The following TAFA5 variants were observed in gnomAD, a reference collection of about 807,000 sequenced individuals.
The protein encoded by TAFA5 is chemokine-like protein TAFA-5.
A neutral mutation model predicts 15.3 loss-of-function variants in TAFA5; 6 were observed. That is an observed-to-expected ratio of 0.39 (90% CI 0.21 to 0.77). The LOEUF (loss-of-function observed/expected upper bound fraction) is 0.77, where lower values mean the gene tolerates loss of function less well. Ranked by LOEUF, TAFA5 falls within the 30% of genes least tolerant of loss-of-function variation. The pLI, the probability that TAFA5 is intolerant of heterozygous loss-of-function variation, is 0.41. For synonymous variants in TAFA5, 103 were observed against 80.7 expected (o/e 1.28, Z -1.48); for missense variants, 161 against 193.1 (o/e 0.83, Z 0.98).
chr22:48,529,620 G>A (rs1439977305), intron 1 of TAFA5, among the ~76,000 whole-genome samples: 6 of 117,840 alleles, frequency 5.1e-5, no homozygotes, highest in African/African-American at 2.0e-4. Context: ...CAGGAGATGG[G>A]GGTGTCCAGG....
intron 1 of TAFA5, among the ~76,000 whole-genome samples, chr22:48,607,885 G>C (rs968842120): frequency 6.6e-6 from 1 of 152,182 alleles, no homozygotes. Flanking sequence ...CCACCCTGGG[G>C]GTCCTGAGGA....
chr22:48,608,335 T>TC (rs1324550324), intron 1 of TAFA5, among the ~76,000 whole-genome samples: 2 of 152,170 alleles, frequency 1.3e-5, no homozygotes, highest in African/African-American at 4.8e-5. Context: ...CTCCTTCCAG[T>TC]CCTTTTTTCT....
At chr22:48,542,095 GAT>G (rs1491249010) in intron 1 of TAFA5, among the ~76,000 whole-genome samples, 2 of 130,120 alleles carry the variant, frequency 1.5e-5, no homozygotes, top group African/African-American at 5.3e-5. Flanking sequence ...GTGCATGTGT[GAT>G]GTGTGTGTGG....
intron 1 of TAFA5, among the ~76,000 whole-genome samples, chr22:48,567,806 G>A (rs1923458397): frequency 6.6e-6 from 1 of 152,228 alleles, no homozygotes. Flanking sequence ...TGTCTGCAGG[G>A]TGGCCTGGGG....
At position 48,613,734 on chromosome 22, in the gene TAFA5, G is replaced by A. The variant is rs182299075; in HGVS notation, c.113-32863G>A. 3.9e-5 allele frequency among the ~76,000 whole-genome samples: 6 copies of A among 152,324 alleles called. No homozygotes were observed. The East Asian group carries it at 7.7e-4, about 20-fold the overall frequency. ...TGCCCTTGTGGCTGCGCCCCAGCCC[G>A]GGGCTCCCAGCCTGAACCTGATGCA... is the stretch of plus-strand genomic sequence containing the variant. On this transcript the variant is annotated intron_variant, in intron 1 of 3. Coordinates refer to ENST00000402357, the MANE Select transcript of TAFA5 (RefSeq NM_001082967.3).
intron 3 of TAFA5, among the ~76,000 whole-genome samples, chr22:48,738,354 C>T (rs1443586536): frequency 6.6e-6 from 1 of 152,148 alleles, no homozygotes; most frequent in Non-Finnish European, 1.5e-5. Flanking sequence ...ACATGGGGGC[C>T]CCCAGGTCAG....
rs531880050 is a variant in TAFA5 at position 48,616,590 on chromosome 22, G to A, written c.113-30007G>A. ...AAGTCACAGCACGAGGCAGGAAGGT[G>A]GCATTTTGCCTGCGCATGGAAACCA... On this transcript the variant is annotated intron_variant, in intron 1 of 3. Coordinates refer to ENST00000402357, the MANE Select transcript of TAFA5 (RefSeq NM_001082967.3). Among the ~76,000 whole-genome samples the A allele has an allele frequency of 1.8e-4, 18 of 97,680 alleles. 1 individual carries two copies. Among genetic ancestry groups the A allele is most frequent in the African/African-American group, 4.4e-4 (16 of 36,274 alleles). The allele number at this position is 97,680 out of a possible 152,430, so 64.1% of individuals were successfully genotyped here.
intron 2 of TAFA5, among the ~76,000 whole-genome samples, chr22:48,692,334 C>T (rs1023419160): frequency 1.3e-5 from 2 of 152,222 alleles, no homozygotes; most frequent in African/African-American, 4.8e-5. Context: ...CAGGCTTAAT[C>T]AAGGCAGCTG....
intron 1 of TAFA5, among the ~76,000 whole-genome samples, chr22:48,584,679 C>T (rs1209693601): frequency 1.4e-5 from 2 of 147,978 alleles, no homozygotes; most frequent in East Asian, 2.1e-4. Context: ...ATCACACACA[C>T]ATACACCACA....
At chr22:48,551,188 A>G (rs994950889) in intron 1 of TAFA5, among the ~76,000 whole-genome samples, 3 of 152,022 alleles carry the variant, frequency 2.0e-5, no homozygotes, top group Non-Finnish European at 4.4e-5. Context: ...AAGACCCCTC[A>G]GCCTGGGCTC....
intron 3 of TAFA5, among the ~76,000 whole-genome samples, chr22:48,718,057 C>T (rs1474832047): frequency 1.3e-5 from 2 of 152,200 alleles, no homozygotes; most frequent in Non-Finnish European, 2.9e-5. Context: ...AGCTCGTGGC[C>T]TTGCATGGCC....
chr22:48,646,775 C>T (rs755161455), intron 2 of TAFA5, 29 bp downstream of exon 2: 18 of 1,545,722 alleles, frequency 1.2e-5, no homozygotes, highest in Admixed American at 1.9e-5. Flanking sequence ...AGGACCCCTC[C>T]GGGTGCTGAG....
chr22:48,586,061 T>C (rs939602839), intron 1 of TAFA5, among the ~76,000 whole-genome samples: 2 of 152,168 alleles, frequency 1.3e-5, no homozygotes, highest in South Asian at 2.1e-4. Context: ...CTTGTCCCCA[T>C]CCTCACCCGG....
At chr22:48,491,060 C>T (rs1160298447) in intron 1 of TAFA5, among the ~76,000 whole-genome samples, 3 of 152,204 alleles carry the variant, frequency 2.0e-5, no homozygotes, top group Non-Finnish European at 4.4e-5. Flanking sequence ...TGGCACCGAG[C>T]GGGGAGGGGT....
intron 1 of TAFA5, among the ~76,000 whole-genome samples, chr22:48,600,954 C>G (rs1924947728): frequency 6.6e-6 from 1 of 152,184 alleles, no homozygotes; most frequent in African/African-American, 2.4e-5. Flanking sequence ...GGCTCCCTCT[C>G]CGCGGTCACG....
intron 2 of TAFA5, among the ~76,000 whole-genome samples, chr22:48,684,640 C>T (rs1928297561): frequency 6.6e-6 from 1 of 152,348 alleles, no homozygotes; most frequent in South Asian, 2.1e-4. Context: ...CCCCACACTC[C>T]TGCCCGCTTC....
chr22:48,508,864 T>C (rs530144312), intron 1 of TAFA5, among the ~76,000 whole-genome samples: 5 of 152,268 alleles, frequency 3.3e-5, no homozygotes, highest in Admixed American at 3.3e-4. Flanking sequence ...ATCTGCAGTA[T>C]ATTACTCTTA....
At chr22:48,656,374 C>T (rs769200730) in intron 2 of TAFA5, among the ~76,000 whole-genome samples, 23 of 151,956 alleles carry the variant, frequency 1.5e-4, no homozygotes, top group Non-Finnish European at 3.2e-4. Context: ...GCTGTGGTGG[C>T]AGGTGCCTGT....
At chr22:48,732,781 C>A (rs1052289643) in intron 3 of TAFA5, among the ~76,000 whole-genome samples, 1 of 152,164 alleles carries the variant, frequency 6.6e-6, no homozygotes, top group East Asian at 1.9e-4. Context: ...TCAATCGATA[C>A]AGCAAACGTT....
Sources: allele counts gnomAD v4.1 joint callset (sites outside exome capture counted in the v4.1 genomes callset), GRCh38; gene constraint gnomAD v4.1.1; transcripts MANE v1.5; gene names NCBI Gene and HGNC (gene_info 2026-07-23, HGNC 2026-07-21).